The following ZNG1E variants were observed in gnomAD, a reference collection of about 807,000 sequenced individuals.
ZNG1E encodes the protein zinc-regulated GTPase metalloprotein activator 1E.
the ZNG1E span, chr9:65,682,823 C>CAT: frequency 2.0e-6 from 1 of 505,660 alleles, no homozygotes. Flanking sequence ...AATTTGATGA[C>CAT]ATACTGTTAG....
chr9:65,660,591 ACTTTACTAAGG>A, the ZNG1E span, among the ~76,000 whole-genome samples: 1 of 152,014 alleles, frequency 6.6e-6, no homozygotes, highest in Admixed American at 6.6e-5. Flanking sequence ...AGTGAGCTTT[ACTTTACTAAGG>A]CTAAATAAAC....
At chr9:65,674,060 G>T in the ZNG1E span, among the ~76,000 whole-genome samples, 17 of 151,756 alleles carry the variant, frequency 1.1e-4, no homozygotes, top group African/African-American at 4.1e-4. Context: ...ATGAACCATT[G>T]TGTTTAGGGT....
chr9:65,728,422 TAAATG>T, the ZNG1E span, among the ~76,000 whole-genome samples: 2 of 148,512 alleles, frequency 1.3e-5, no homozygotes, highest in African/African-American at 2.6e-5. Flanking sequence ...ATCCAAAAGA[TAAATG>T]AAACGAAAAG....
the ZNG1E span, among the ~76,000 whole-genome samples, chr9:65,709,942 A>G: frequency 1.1e-3 from 166 of 151,588 alleles, 1 homozygote; most frequent in East Asian, 0.028. Flanking sequence ...GACTTCCACA[A>G]TGGTTGAACT....
At chr9:65,691,124 A>C in the ZNG1E span, 1 of 1,490,600 alleles carries the variant, frequency 6.7e-7, no homozygotes, top group Non-Finnish European at 9.1e-7. Context: ...CCCAGACTGG[A>C]GTGCATGGAG....
the ZNG1E span, among the ~76,000 whole-genome samples, chr9:65,677,634 G>A: frequency 6.6e-6 from 1 of 152,248 alleles, no homozygotes; most frequent in Non-Finnish European, 1.5e-5. Flanking sequence ...TTGCATGTTA[G>A]CCTTAATGAT....
chr9:65,732,816 A>T, the ZNG1E span: 1 of 1,460,828 alleles, frequency 6.8e-7, no homozygotes, highest in South Asian at 1.5e-5. Context: ...GAAAATTAAA[A>T]ACATTAAGAA....
chr9:65,664,323 G>A, the ZNG1E span, among the ~76,000 whole-genome samples: 4 of 150,058 alleles, frequency 2.7e-5, no homozygotes, highest in East Asian at 7.7e-4. Context: ...TGTGTTGTGG[G>A]GGGACCCGGT....
chr9:65,667,222 C>A, the ZNG1E span, among the ~76,000 whole-genome samples: 1 of 152,164 alleles, frequency 6.6e-6, no homozygotes, highest in Non-Finnish European at 1.5e-5. Context: ...TTTCTTCTAG[C>A]ATCAGTTCAG....
the ZNG1E span, among the ~76,000 whole-genome samples, chr9:65,678,338 G>A: frequency 6.9e-6 from 1 of 145,042 alleles, no homozygotes; most frequent in African/African-American, 2.6e-5. Flanking sequence ...CTAAATATAA[G>A]CCTTCATCTC....
the ZNG1E span, chr9:65,679,511 T>C: frequency 1.6e-6 from 1 of 643,668 alleles, no homozygotes; most frequent in African/African-American, 1.9e-5. Flanking sequence ...AATAAATGAC[T>C]CCAGAAGTAA....
At chr9:65,660,845 A>T in the ZNG1E span, among the ~76,000 whole-genome samples, 1 of 141,854 alleles carries the variant, frequency 7.0e-6, no homozygotes, top group South Asian at 2.1e-4. Flanking sequence ...ATATATATAT[A>T]TATATATATA....
chr9:65,659,758 A>G, the ZNG1E span, among the ~76,000 whole-genome samples: 1 of 152,148 alleles, frequency 6.6e-6, no homozygotes, highest in Non-Finnish European at 1.5e-5. Context: ...AGGACTCCCA[A>G]CTTCTGGAAC....
the ZNG1E span, among the ~76,000 whole-genome samples, chr9:65,666,987 A>C: frequency 6.6e-6 from 1 of 151,610 alleles, no homozygotes; most frequent in Non-Finnish European, 1.5e-5. Context: ...CACTCGGCAG[A>C]TTTTTGTATT....
the ZNG1E span, among the ~76,000 whole-genome samples, chr9:65,658,833 C>G: frequency 2.0e-5 from 3 of 149,098 alleles, no homozygotes; most frequent in South Asian, 4.3e-4. Context: ...TGTCCTCATA[C>G]TGTCTTCCCT....
chr9:65,675,047 T>C, the ZNG1E span, among the ~76,000 whole-genome samples: 1 of 147,748 alleles, frequency 6.8e-6, no homozygotes, highest in African/African-American at 2.5e-5. Context: ...TTAAACAACA[T>C]ATTCTCTAAG....
At chr9:65,661,833 T>G in the ZNG1E span, among the ~76,000 whole-genome samples, 1 of 152,354 alleles carries the variant, frequency 6.6e-6, no homozygotes, top group East Asian at 1.9e-4. Context: ...ATTGGGATGA[T>G]TGTGGCACAA....
the ZNG1E span, among the ~76,000 whole-genome samples, chr9:65,659,793 G>C: frequency 2.6e-5 from 4 of 152,092 alleles, no homozygotes; most frequent in African/African-American, 7.2e-5. Flanking sequence ...AGCCTTGTGT[G>C]AGTGTTAGCT....
the ZNG1E span, chr9:65,691,138 A>C: frequency 1.5e-6 from 2 of 1,369,580 alleles, no homozygotes; most frequent in South Asian, 1.3e-5. Flanking sequence ...CATGGAGTGC[A>C]GTGGCATGAT....
Sources: gnomAD v4.1 joint callset for allele counts (sites outside exome capture counted in the v4.1 genomes callset) on GRCh38, gnomAD v4.1.1 for gene constraint, MANE v1.5 for transcripts, NCBI Gene and HGNC (gene_info 2026-07-23, HGNC 2026-07-21) for gene names.